RPS6KA2: variants seen among roughly 807,000 people sequenced by gnomAD.
RPS6KA2 encodes ribosomal protein S6 kinase A2, also known as ribosomal protein S6 kinase alpha-2.
Under a neutral mutation model 91.8 loss-of-function variants are expected in RPS6KA2, and 42 were observed. The ratio of observed to expected loss-of-function variants is 0.46; its 90% confidence interval spans 0.36 to 0.59. The LOEUF (loss-of-function observed/expected upper bound fraction) is 0.59. Ranked by LOEUF, RPS6KA2 falls within the 20% of genes least tolerant of loss-of-function variation. RPS6KA2 has a pLI of 0.00. For missense variants in RPS6KA2, 798 were observed against 978.5 expected, an observed-to-expected ratio of 0.82 and a Z score of 2.46; for synonymous variants, 414 against 393.6, an observed-to-expected ratio of 1.05 and a Z score of -0.61.
At chr6:166,565,399 C>T (rs796647929) in intron 1 of RPS6KA2, among the ~76,000 whole-genome samples, 11 of 152,370 alleles carry the variant, frequency 7.2e-5, no homozygotes, top group East Asian at 3.9e-4. Context: ...CATCAGACCC[C>T]GGGATCCAAA....
rs1333438672 is a variant in RPS6KA2, at chr6:166,625,337, C to A, written c.99+1584G>T. On this transcript the variant is annotated intron_variant, in intron 1 of 20. Coordinates refer to ENST00000265678, the MANE Select transcript of RPS6KA2 (RefSeq NM_021135.6). The stretch of plus-strand genomic sequence containing the variant: ...CTATTCCCACCACCCCCCCACCCCC[C>A]CCCCCGCTTGTTTCCCACTGTATTC... Among the ~76,000 whole-genome samples, 16 of 118,164 alleles carry A rather than the reference C, an allele frequency of 1.4e-4. No homozygotes were observed. In the South Asian group the frequency reaches 1.9e-3, roughly 14 times the overall value. 77.5% of individuals were successfully genotyped at this position (118,164 alleles called of 152,430 possible).
chr6:166,632,839 T>G (rs1486945439), intron 2 of RPS6KA2, among the ~76,000 whole-genome samples: 1 of 151,906 alleles, frequency 6.6e-6, no homozygotes, highest in African/African-American at 2.4e-5. Context: ...ACAGCGCAAC[T>G]CAGGAACAGG....
At chr6:166,709,495 A>G (rs916210136) in intron 2 of RPS6KA2, among the ~76,000 whole-genome samples, 1 of 152,178 alleles carries the variant, frequency 6.6e-6, no homozygotes, top group African/African-American at 2.4e-5. Context: ...ACACATGACC[A>G]AAAAGAAAAA....
At chr6:166,746,696 T>C (rs1791024529) in intron 2 of RPS6KA2, among the ~76,000 whole-genome samples, 1 of 152,150 alleles carries the variant, frequency 6.6e-6, no homozygotes, top group Non-Finnish European at 1.5e-5. Context: ...GGGTTCCTAT[T>C]GTCTTCAACT....
At chr6:166,717,854 C>CTT (rs11410957) in intron 2 of RPS6KA2, among the ~76,000 whole-genome samples, 130 of 145,712 alleles carry the variant, frequency 8.9e-4, no homozygotes, top group African/African-American at 2.8e-3. Context: ...TCTTTTCTTT[C>CTT]TTTTTTTTTT....
At chr6:166,470,003 TG>T (rs1470745153) in intron 10 of RPS6KA2, 98 bp from the exon 11 acceptor site, 1 of 1,099,504 alleles carries the variant, frequency 9.1e-7, no homozygotes, top group African/African-American at 1.5e-5. Context: ...TGTGCAGAGG[TG>T]GGGCCGTGGG....
chr6:166,605,109 C>T (rs1446533571), intron 1 of RPS6KA2, among the ~76,000 whole-genome samples: 1 of 152,196 alleles, frequency 6.6e-6, no homozygotes, highest in African/African-American at 2.4e-5. Flanking sequence ...GAACTGCCTC[C>T]AACCAGATTC....
chr6:166,432,783 G>A (rs1779178321), intron 14 of RPS6KA2, among the ~76,000 whole-genome samples: 1 of 152,098 alleles, frequency 6.6e-6, no homozygotes, highest in Non-Finnish European at 1.5e-5. Flanking sequence ...TTGAGGTCAG[G>A]AGTTTAAGAC....
At chr6:166,668,340 G>A (rs537617370) in intron 2 of RPS6KA2, among the ~76,000 whole-genome samples, 1 of 152,164 alleles carries the variant, frequency 6.6e-6, no homozygotes, top group South Asian at 2.1e-4. Context: ...GTAGTGTTGA[G>A]AGCCCGTCGC....
intron 2 of RPS6KA2, among the ~76,000 whole-genome samples, chr6:166,765,754 C>A (rs1039069567): frequency 6.6e-6 from 1 of 152,116 alleles, no homozygotes; most frequent in African/African-American, 2.4e-5. Context: ...GCTGAGCAAT[C>A]GACTTAAGGT....
chr6:166,718,720 C>T (rs1303834651), intron 2 of RPS6KA2, among the ~76,000 whole-genome samples: 1 of 152,134 alleles, frequency 6.6e-6, no homozygotes, highest in Non-Finnish European at 1.5e-5. Flanking sequence ...AAGATAGCTG[C>T]CCCGCACATG....
rs1779275979 is a variant in RPS6KA2, at chr6:166,435,761, TG to T, written c.1333-3272del. On this transcript the variant is annotated intron_variant, in intron 14 of 20. Transcript: ENST00000265678. The surrounding 1 kb of genome is among the most constrained non-coding windows in gnomAD (Gnocchi z 4.3). ...GCGACAACACTGCTGTGGGTGTGGG[TG>T]GCTTGGCCTGTGGCCATGTCACTTG... 6.6e-6 allele frequency among the ~76,000 whole-genome samples: 1 copy of T among 152,250 alleles called. No homozygotes were observed. Among genetic ancestry groups the T allele is most frequent in the South Asian group, 2.1e-4 (1 of 4,834 alleles).
chr6:166,686,023 T>C (rs1789000624), intron 2 of RPS6KA2, among the ~76,000 whole-genome samples: 1 of 152,168 alleles, frequency 6.6e-6, no homozygotes, highest in Admixed American at 6.5e-5. Context: ...GCCTCAGGTC[T>C]TAGGGCTAAT....
In RPS6KA2 at chr6:166,767,367, A is replaced by AT. The variant is rs1478541231; in HGVS notation, c.123+90832_123+90833insA. Among the ~76,000 whole-genome samples the AT allele has an allele frequency of 6.6e-6, 1 of 151,560 alleles. No individual in the cohort carries two copies. Among genetic ancestry groups the AT allele is most frequent in the Non-Finnish European group, 1.5e-5 (1 of 68,024 alleles). On this transcript the variant is annotated intron_variant, in intron 2 of 21. Transcript: ENST00000503859. The surrounding 1 kb of genome is among the most constrained non-coding windows in gnomAD (Gnocchi z 4.6). The stretch of plus-strand genomic sequence containing the variant: ...AAATCACTCCTCTAACCAAGACCAC[A>AT]AAGGCCGCGCGGATCAATGTGCTCC...
Position 166,816,023 on chromosome 6 carries a change from A to C in RPS6KA2, c.123+42177T>G, listed in dbSNP as rs1188912991. Among the ~76,000 whole-genome samples, 4 of 152,338 alleles carry C rather than the reference A, an allele frequency of 2.6e-5. No individual in the cohort carries two copies. The East Asian group carries it at 7.7e-4, about 29-fold the overall frequency. On this transcript the variant is annotated intron_variant, in intron 2 of 21. Transcript: ENST00000503859. ...GAAGATGACAAAAATAAGTAAGTCCAAAAAATACACCCTAGTTTTTAAAAC... is the reference window on the plus strand; with the variant it reads ...GAAGATGACAAAAATAAGTAAGTCCCAAAAATACACCCTAGTTTTTAAAAC...
intron 2 of RPS6KA2, among the ~76,000 whole-genome samples, chr6:166,812,024 C>G (rs1373907430): frequency 5.9e-5 from 9 of 152,122 alleles, no homozygotes; most frequent in African/African-American, 2.2e-4. Context: ...TCTTGTGAAA[C>G]CTGGCTGTCA....
chr6:166,828,633 A>G (rs76210663), intron 2 of RPS6KA2, among the ~76,000 whole-genome samples: 1,659 of 152,374 alleles, frequency 0.011, 30 homozygotes, highest in African/African-American at 0.038. Context: ...AAGATGCAAA[A>G]GAATACAGTT....
At position 166,665,853 on chromosome 6, in the gene RPS6KA2, A is replaced by G. The variant is rs1028906569; in HGVS notation, c.124-127069T>C. Among the ~76,000 whole-genome samples the G allele has an allele frequency of 6.6e-6, 1 of 152,158 alleles. No individual in the cohort carries two copies. The highest frequency in any genetic ancestry group is 6.5e-5 in the Admixed American group (1 of 15,280). On this transcript the variant is annotated intron_variant, in intron 2 of 21. Coordinates refer to the RPS6KA2 transcript ENST00000503859. This position sits in a 1 kb window ranked among gnomAD's most constrained non-coding sequence, Gnocchi z 4.5. ...CACAGAGGCAGAGCTGGATCAGAAG[A>G]AGGTGCAGCTCTGCTCAGCACGGCC...
chr6:166,710,507 TGTGG>T (rs781509401), intron 2 of RPS6KA2, among the ~76,000 whole-genome samples: 1 of 134,264 alleles, frequency 7.4e-6, no homozygotes, highest in East Asian at 2.1e-4. Context: ...TGTGTGTGTG[TGTGG>T]TGTGTGTGTG....
Sources: gnomAD v4.1 joint callset for allele counts (sites outside exome capture counted in the v4.1 genomes callset) on GRCh38, gnomAD v4.1.1 for gene constraint, Gnocchi (gnomAD v3.1) non-coding constraint, MANE v1.5 for transcripts, NCBI Gene and HGNC (gene_info 2026-07-23, HGNC 2026-07-21) for gene names.